SPAG16: variants seen among roughly 807,000 people sequenced by gnomAD.
SPAG16 encodes sperm-associated antigen 16 protein.
SPAG16 carries 86 observed loss-of-function variants against 80.4 expected under a neutral mutation model. The observed-to-expected ratio is 1.07, with a 90% CI of 0.90 to 1.28. SPAG16 has a LOEUF of 1.28. Ranked by LOEUF, SPAG16 falls within the 50% of genes most tolerant of loss-of-function variation. SPAG16 has a pLI of 0.00. For synonymous variants in SPAG16, 294 were observed against 265.9 expected, an observed-to-expected ratio of 1.11 and a Z score of -1.03; for missense variants, 870 against 765.3, an observed-to-expected ratio of 1.14 and a Z score of -1.61.
intron 15 of SPAG16, among the ~76,000 whole-genome samples, chr2:214,168,427 T>C (rs1400951309): frequency 1.3e-5 from 2 of 152,124 alleles, no homozygotes; most frequent in Non-Finnish European, 2.9e-5. Flanking sequence ...TCTGCCCTTA[T>C]TGTTTACACA....
intron 10 of SPAG16, among the ~76,000 whole-genome samples, chr2:213,585,523 C>T (rs2060440479): frequency 6.6e-6 from 1 of 152,090 alleles, no homozygotes; most frequent in African/African-American, 2.4e-5. Context: ...GTGATCTGCT[C>T]ACCATGGCCT....
At chr2:214,409,909 C>T (rs897859584) in intron 15 of SPAG16, among the ~76,000 whole-genome samples, 1 of 152,102 alleles carries the variant, frequency 6.6e-6, no homozygotes, top group African/African-American at 2.4e-5. Flanking sequence ...AGGAGGTAGA[C>T]CATTAGGCTC....
chr2:213,719,769 G>A lies in SPAG16; in HGVS notation c.1071-142716G>A, dbSNP rs192516110. Among the ~76,000 whole-genome samples, 82 of 152,316 alleles carry A rather than the reference G, an allele frequency of 5.4e-4. No homozygotes were observed. The East Asian group carries it at 0.014, about 26-fold the overall frequency. ...ATAAATTAGTTCAATGATTGTGGAAGACAGTGTGGCAATTCCTCAAGGATC... is the reference window on the plus strand; with the variant it reads ...ATAAATTAGTTCAATGATTGTGGAAAACAGTGTGGCAATTCCTCAAGGATC... On this transcript the variant is annotated intron_variant, in intron 10 of 15. Coordinates refer to ENST00000331683, the MANE Select transcript of SPAG16 (RefSeq NM_024532.5).
intron 9 of SPAG16, among the ~76,000 whole-genome samples, chr2:213,387,347 A>G (rs767333480): frequency 2.3e-4 from 34 of 150,654 alleles, no homozygotes; most frequent in Non-Finnish European, 4.6e-4. Context: ...AAATTAGAAA[A>G]GATAAGGGGC....
chr2:214,334,199 C>T (rs1047944778), intron 15 of SPAG16, among the ~76,000 whole-genome samples: 4 of 152,222 alleles, frequency 2.6e-5, no homozygotes, highest in Non-Finnish European at 5.9e-5. Context: ...CTAGGTTGAT[C>T]ACGCTCTGAT....
intron 12 of SPAG16, among the ~76,000 whole-genome samples, chr2:213,980,039 AACCAGACT>A (rs1237255253): frequency 6.6e-6 from 1 of 151,762 alleles, no homozygotes; most frequent in Non-Finnish European, 1.5e-5. Flanking sequence ...ATCATGAAAG[AACCAGACT>A]TACTGAAATC....
At chr2:213,461,836 G>A (rs114820312) in intron 9 of SPAG16, among the ~76,000 whole-genome samples, 2,216 of 152,230 alleles carry the variant, frequency 0.015, 24 homozygotes, top group South Asian at 0.038. Context: ...AATGAGAAAA[G>A]ATACAGATGG....
At chr2:214,147,001 CA>C (rs1017066931) in intron 14 of SPAG16, among the ~76,000 whole-genome samples, 36 of 18,062 alleles carry the variant, frequency 2.0e-3, no homozygotes, top group Middle Eastern at 0.024. Flanking sequence ...GACTCCATCT[CA>C]AAAAAAAAAA....
chr2:213,978,263 C>G (rs1475279003), intron 12 of SPAG16, among the ~76,000 whole-genome samples: 1 of 152,092 alleles, frequency 6.6e-6, no homozygotes, highest in Non-Finnish European at 1.5e-5. Flanking sequence ...TCAGCTGGAT[C>G]ACCCCATTTG....
At chr2:214,158,954 A>C (rs2056328730) in intron 15 of SPAG16, among the ~76,000 whole-genome samples, 1 of 152,000 alleles carries the variant, frequency 6.6e-6, no homozygotes, top group Non-Finnish European at 1.5e-5. Flanking sequence ...GTATATAAAC[A>C]ATGTGCTAAT....
intron 10 of SPAG16, among the ~76,000 whole-genome samples, chr2:213,546,407 A>AT (rs977073884): frequency 2.6e-5 from 4 of 152,152 alleles, no homozygotes; most frequent in Admixed American, 2.6e-4. Context: ...TTAGATATGT[A>AT]TTTTTTCTAC....
intron 15 of SPAG16, among the ~76,000 whole-genome samples, chr2:214,342,228 G>C (rs1206532206): frequency 6.6e-6 from 1 of 151,860 alleles, no homozygotes; most frequent in Non-Finnish European, 1.5e-5. Context: ...TAAAGCAGGG[G>C]TTCCCAAAGC....
intron 13 of SPAG16, among the ~76,000 whole-genome samples, chr2:214,039,529 G>A (rs1419651743): frequency 6.6e-6 from 1 of 152,164 alleles, no homozygotes; most frequent in African/African-American, 2.4e-5. Context: ...CAGAATGGGA[G>A]AAAATTTTTG....
chr2:214,296,009 C>T (rs1694105250), intron 15 of SPAG16, among the ~76,000 whole-genome samples: 1 of 152,108 alleles, frequency 6.6e-6, no homozygotes, highest in African/African-American at 2.4e-5. Flanking sequence ...AAAGAGTGAA[C>T]ATTGTACCCA....
chr2:213,676,632 T>A (rs1574763518), intron 10 of SPAG16, among the ~76,000 whole-genome samples: 1 of 152,260 alleles, frequency 6.6e-6, no homozygotes, highest in African/African-American at 2.4e-5. Context: ...CTGCATCTAT[T>A]GAGATAATCA....
chr2:213,444,313 CAG>C lies in SPAG16; in HGVS notation c.943-45649_943-45648del, dbSNP rs201794188. Reference sequence around the variant, plus strand: ...TGGAGTTTGTGGCATATGTGTGTCTCAGCTTTTCCTTCCTTTTTTGATGCAGA... The same window carrying C: ...TGGAGTTTGTGGCATATGTGTGTCTCCTTTTCCTTCCTTTTTTGATGCAGA... On this transcript the variant is annotated intron_variant, in intron 9 of 15. Transcript: ENST00000331683. 8.6e-3 allele frequency among the ~76,000 whole-genome samples: 1,314 copies of C among 152,270 alleles called. 20 individuals are homozygous for C. Among genetic ancestry groups the C allele is most frequent in the African/African-American group, 0.03 (1,226 of 41,534 alleles).
At chr2:213,859,178 CAAAAAAAA>C (rs1165853142) in intron 10 of SPAG16, among the ~76,000 whole-genome samples, 1 of 9,368 alleles carries the variant, frequency 1.1e-4, no homozygotes. Flanking sequence ...CACTCCGTCT[CAAAAAAAA>C]AAAAAAAAAA....
At chr2:213,836,178 C>G (rs952344962) in intron 10 of SPAG16, among the ~76,000 whole-genome samples, 6 of 48,196 alleles carry the variant, frequency 1.2e-4, no homozygotes, top group South Asian at 1.9e-3. Flanking sequence ...CATTATTCGC[C>G]CCCCCCCCCA....
At chr2:213,607,649 A>C (rs944436244) in intron 10 of SPAG16, among the ~76,000 whole-genome samples, 1 of 152,218 alleles carries the variant, frequency 6.6e-6, no homozygotes, top group South Asian at 2.1e-4. Flanking sequence ...ACCGGAATCT[A>C]CTGATTCAAA....
Sources: allele counts gnomAD v4.1 joint callset (sites outside exome capture counted in the v4.1 genomes callset), GRCh38; gene constraint gnomAD v4.1.1; transcripts MANE v1.5; gene names NCBI Gene and HGNC (gene_info 2026-07-23, HGNC 2026-07-21).